Variants in ALCAM observed in about 807,000 individuals in gnomAD.
ALCAM encodes CD166 antigen.
ALCAM carries 30 observed loss-of-function variants against 70.9 expected under a neutral mutation model. The ratio of observed to expected loss-of-function variants is 0.42; its 90% CI spans 0.32 to 0.57. The LOEUF is 0.57. Among genes scored for constraint, ALCAM ranks in the 20% least tolerant of loss-of-function variants. ALCAM has a pLI of 0.11. For missense variants in ALCAM, 591 were observed against 695.1 expected (o/e 0.85, Z 1.68); for synonymous variants, 249 against 242.5 (o/e 1.03, Z -0.25).
chr3:105,377,321 C>T (rs1006086872), intron 1 of ALCAM, among the ~76,000 whole-genome samples: 2 of 151,952 alleles, frequency 1.3e-5, no homozygotes, highest in African/African-American at 4.8e-5. Flanking sequence ...TGTTATTGTC[C>T]ATATAAGCAA....
intron 1 of ALCAM, among the ~76,000 whole-genome samples, chr3:105,442,199 T>G (rs1937186603): frequency 6.6e-6 from 1 of 152,162 alleles, no homozygotes; most frequent in East Asian, 1.9e-4. Flanking sequence ...CCAATCTATC[T>G]TGGGCCTTTA....
intron 12 of ALCAM, 67 bp downstream of exon 12, chr3:105,550,326 T>A: frequency 6.8e-7 from 1 of 1,461,102 alleles, no homozygotes; most frequent in South Asian, 1.3e-5. Flanking sequence ...TAGTTTAAAA[T>A]CTTCAATTCC....
chr3:105,401,907 T>C (rs977741391), intron 1 of ALCAM, among the ~76,000 whole-genome samples: 2 of 151,646 alleles, frequency 1.3e-5, no homozygotes, highest in Non-Finnish European at 1.5e-5. Context: ...ATTTCTAGAC[T>C]TGGGGCTCAG....
At position 105,552,967 on chromosome 3, in the gene ALCAM, G is replaced by A. The variant is rs1298730448; in HGVS notation, c.1664+382G>A. 2.9e-6 allele frequency: 3 copies of A among 1,022,776 alleles called. No individual in the cohort carries two copies. In the African/African-American group the frequency reaches 5.2e-5, roughly 18 times the overall value. 63.4% of individuals were successfully genotyped at this position (1,022,776 alleles called of 1,614,324 possible). A position where few individuals can be genotyped will look rare whatever the true frequency, so the allele number is the denominator to read the frequency against. On this transcript the variant is annotated intron_variant, in intron 14 of 15. Coordinates refer to ENST00000306107, the MANE Select transcript of ALCAM (RefSeq NM_001627.4). ...GTACATCTTGTAGGGACTGCCAGGT[G>A]TCTTTGCAGTGACACATCTGGCCAG...
At chr3:105,563,203 GC>G (rs35880397) in intron 14 of ALCAM, among the ~76,000 whole-genome samples, 31,346 of 138,710 alleles carry the variant, frequency 0.23, 3,442 homozygotes, top group Admixed American at 0.32. Context: ...TGACATTTTT[GC>G]AAAAAAAAAA....
At chr3:105,445,266 A>G (rs1213609348) in intron 1 of ALCAM, among the ~76,000 whole-genome samples, 1 of 152,190 alleles carries the variant, frequency 6.6e-6, no homozygotes, top group Non-Finnish European at 1.5e-5. Context: ...AAGGAGGTGA[A>G]AGATTACTAC....
At chr3:105,373,125 T>C (rs1321138677) in intron 1 of ALCAM, among the ~76,000 whole-genome samples, 1 of 152,148 alleles carries the variant, frequency 6.6e-6, no homozygotes, top group Non-Finnish European at 1.5e-5. Context: ...AATACCCTTT[T>C]CATGTTATGA....
At chr3:105,434,743 A>G (rs1387752889) in intron 1 of ALCAM, among the ~76,000 whole-genome samples, 1 of 152,124 alleles carries the variant, frequency 6.6e-6, no homozygotes, top group Non-Finnish European at 1.5e-5. Context: ...TTTATTTCTT[A>G]ACTCATGGGT....
At chr3:105,534,268 G>A (rs918154391) in intron 5 of ALCAM, among the ~76,000 whole-genome samples, 12 of 152,212 alleles carry the variant, frequency 7.9e-5, no homozygotes, top group African/African-American at 2.4e-4. Context: ...GGAGACCCCC[G>A]CTTTAAACTA....
At chr3:105,559,639 TAGC>T (rs1462192749) in intron 14 of ALCAM, among the ~76,000 whole-genome samples, 2 of 152,098 alleles carry the variant, frequency 1.3e-5, no homozygotes, top group African/African-American at 4.8e-5. Flanking sequence ...ATTCAGTATA[TAGC>T]AGTGACTACT....
At chr3:105,415,927 C>T (rs1265864249) in intron 1 of ALCAM, among the ~76,000 whole-genome samples, 1 of 152,022 alleles carries the variant, frequency 6.6e-6, no homozygotes, top group African/African-American at 2.4e-5. Flanking sequence ...TTTGGCTTTT[C>T]AAATTGACAT....
chr3:105,517,121 A>G (rs1228986392), intron 1 of ALCAM, among the ~76,000 whole-genome samples: 1 of 152,036 alleles, frequency 6.6e-6, no homozygotes, highest in Non-Finnish European at 1.5e-5. Context: ...TCACCAAATC[A>G]CCATGGTCTT....
At position 105,539,931 on chromosome 3, in the gene ALCAM, G is replaced by T. The variant is rs184508448; in HGVS notation, c.731-44G>T. On this transcript the variant is annotated intron_variant, in intron 6 of 15. Transcript: ENST00000306107. ...TTACATTGTATGCACAGAGTAATTC[G>T]GTACTTGACAAAAATGGTTAACTTG... 4 of 1,603,392 alleles carry T rather than the reference G, an allele frequency of 2.5e-6. No homozygotes were observed. In the South Asian group the frequency reaches 4.5e-5, roughly 18 times the overall value.
chr3:105,566,025 T>C (rs939688463), intron 14 of ALCAM, among the ~76,000 whole-genome samples: 2 of 152,216 alleles, frequency 1.3e-5, no homozygotes, highest in East Asian at 3.8e-4. Context: ...AACTAGTGGC[T>C]TTTCCCTTAG....
chr3:105,533,793 A>C, intron 5 of ALCAM, 103 bp downstream of exon 5: 1 of 1,070,716 alleles, frequency 9.3e-7, no homozygotes, highest in East Asian at 2.5e-5. Context: ...CCTTTTTGGC[A>C]CCAGGAACTG....
At chr3:105,522,861 C>T (rs1576219268) in intron 2 of ALCAM, among the ~76,000 whole-genome samples, 1 of 151,962 alleles carries the variant, frequency 6.6e-6, no homozygotes, top group South Asian at 2.1e-4. Context: ...CAAAGAAGGC[C>T]GGGCACGGTG....
chr3:105,573,298 A>G (rs572139063), intron 15 of ALCAM, among the ~76,000 whole-genome samples: 2 of 152,180 alleles, frequency 1.3e-5, no homozygotes, highest in Non-Finnish European at 2.9e-5. Context: ...CTGCACTCCA[A>G]TCTGGGTGAC....
At position 105,576,038 on chromosome 3, in the gene ALCAM, C is replaced by T. The variant is rs1415605423; in HGVS notation, c.*1587C>T. The T allele has an allele frequency of 2.0e-5, 3 of 152,200 alleles. No individual in the cohort carries two copies. Among genetic ancestry groups the T allele is most frequent in the Admixed American group, 1.3e-4 (2 of 15,280 alleles). The allele number at this position is 152,200 out of a possible 1,614,324, so 9.4% of individuals were successfully genotyped here. A position where few individuals can be genotyped will look rare whatever the true frequency, so the allele number is the denominator to read the frequency against. On this transcript the variant is annotated 3_prime_UTR_variant, in exon 16 of 16. Coordinates refer to ENST00000306107, the MANE Select transcript of ALCAM (RefSeq NM_001627.4). ...TTTACTGTCTGGGCAATAGTGACTC[C>T]GTTTAATAAAAGCTTCCGTAGTGCA...
chr3:105,477,963 A>G (rs908482241), intron 1 of ALCAM, among the ~76,000 whole-genome samples: 1 of 152,078 alleles, frequency 6.6e-6, no homozygotes, highest in Non-Finnish European at 1.5e-5. Flanking sequence ...AATTCATTAT[A>G]AGCCATTTTT....
Sources: allele counts gnomAD v4.1 joint callset (sites outside exome capture counted in the v4.1 genomes callset), GRCh38; gene constraint gnomAD v4.1.1; transcripts MANE v1.5; gene names NCBI Gene and HGNC (gene_info 2026-07-23, HGNC 2026-07-21).